Variants in RNF213 observed in about 807,000 individuals in gnomAD.
RNF213 encodes the protein E3 ubiquitin-protein ligase RNF213.
Under a neutral mutation model 514.4 loss-of-function variants are expected in RNF213, and 341 were observed. That is an observed-to-expected ratio of 0.66 (90% CI 0.61 to 0.73). The LOEUF is 0.73. Ranked by LOEUF, RNF213 falls within the 30% of genes least tolerant of loss-of-function variation. The pLI is 0.00. For synonymous variants in RNF213, 2,655 were observed against 2,658.2 expected (o/e 1.00, Z 0.04); for missense variants, 5,767 against 6,615.6 (o/e 0.87, Z 4.45).
intron 56 of RNF213, 63 bp from the exon 57 acceptor site, chr17:80,381,484 A>G (rs750099844): frequency 1.5e-5 from 24 of 1,565,358 alleles, no homozygotes; most frequent in Non-Finnish European, 2.0e-5. Context: ...GGCCTCTACC[A>G]GGCTCACCAT....
At chr17:80,365,521 A>G (rs921747341) in intron 42 of RNF213, among the ~76,000 whole-genome samples, 3 of 125,322 alleles carry the variant, frequency 2.4e-5, no homozygotes, top group African/African-American at 1.2e-4. Context: ...CAGGGGAGGT[A>G]GAGGACAGGC....
chr17:80,353,582 G>A lies in RNF213; in HGVS notation c.10494G>A (p.Glu3498=). The stretch of plus-strand genomic sequence containing the variant: ...AGACGGAGGCCAGCACATCAGGGGA[G>A]GTGGCAGAGGTGGCAGAGGAGGCCA... ...AMETEASTSG[E]VAEVAEEAME... The change falls in exon 34 of 68, where the codon GAG becomes GAA. Residue 3498 remains glutamate, a synonymous_variant. Transcript: ENST00000582970. This position sits in a 1 kb window ranked among gnomAD's most constrained non-coding sequence, Gnocchi z 5.0. 1.2e-6 allele frequency: 2 copies of A among 1,613,524 alleles called. No individual in the cohort carries two copies. The highest frequency in any genetic ancestry group is 1.7e-6 in the Non-Finnish European group (2 of 1,179,522).
At chr17:80,302,249 G>A (rs905474464) in intron 11 of RNF213, among the ~76,000 whole-genome samples, 85 of 152,256 alleles carry the variant, frequency 5.6e-4, no homozygotes, top group African/African-American at 2.0e-3. Flanking sequence ...AATTTATTAC[G>A]TTTTTCAAAT....
chr17:80,359,655 G>T (rs2078980906), intron 37 of RNF213, among the ~76,000 whole-genome samples: 1 of 151,768 alleles, frequency 6.6e-6, no homozygotes, highest in South Asian at 2.1e-4. Context: ...GAAAGAAATG[G>T]AATTTGAATT....
At chr17:80,360,237 G>A in intron 38 of RNF213, 31 bp downstream of exon 38, 3 of 1,600,814 alleles carry the variant, frequency 1.9e-6, no homozygotes, top group Non-Finnish European at 2.6e-6. Flanking sequence ...GTCAGATTCA[G>A]CACAGGTGAA....
At chr17:80,350,275 C>G (rs1325538201) in intron 30 of RNF213, 26 bp from the exon 31 acceptor site, 15 of 1,395,368 alleles carry the variant, frequency 1.1e-5, no homozygotes, top group Non-Finnish European at 1.5e-5. Context: ...AGAGAACTCA[C>G]TTGAATAACT....
At chr17:80,381,826 A>C (rs1361341176) in intron 57 of RNF213, 99 bp downstream of exon 57, 1 of 1,123,502 alleles carries the variant, frequency 8.9e-7, no homozygotes, top group African/African-American at 1.5e-5. Flanking sequence ...AGCCAGTCTG[A>C]GCTCTGTCTG....
chr17:80,334,340 C>G (rs2077922467), intron 22 of RNF213, 70 bp downstream of exon 22: 1 of 1,452,882 alleles, frequency 6.9e-7, no homozygotes, highest in East Asian at 2.5e-5. Context: ...TGTGGCGTTC[C>G]TAAACTCTTT....
chr17:80,343,274 T>G lies in RNF213; in HGVS notation c.6132T>G (p.Asp2044Glu). Residue 2044 changes from aspartate (D) to glutamate (E), a missense_variant, in exon 27 of 68, where the codon GAT (aspartate) becomes GAG (glutamate). Asp to Glu is a conservative substitution (Grantham distance 45). This residue lies in a region of RNF213 where 1,377 missense variants were observed against 1,635.2 expected (regional missense o/e 0.84). Coordinates refer to ENST00000582970, the MANE Select transcript of RNF213 (RefSeq NM_001256071.3). The surrounding 1 kb of genome is among the most constrained non-coding windows in gnomAD (Gnocchi z 4.3). ...TGGGCGCCCTGCTGCCCTTCCTGGA[T>G]GCGCAGTATCAGAAGGTCCCCGTGC... ...RVLGALLPFLDAQYQKVPVLF... is the reference protein window; with the variant it reads ...RVLGALLPFLEAQYQKVPVLF... The G allele has an allele frequency of 6.2e-7, 1 of 1,613,712 alleles. No homozygotes were observed. Among genetic ancestry groups the G allele is most frequent in the African/African-American group, 1.3e-5 (1 of 75,024 alleles).
At position 80,354,087 on chromosome 17, in the gene RNF213, C is replaced by T; in HGVS notation, c.10647C>T (p.Asp3549=). Residue 3549 remains aspartate (D), a synonymous_variant, in exon 35 of 68, where the codon GAC becomes GAT. Transcript: ENST00000582970. ...AGAGCGCCGTGGGCATGCTCAGAGA[C>T]CAGAACGAGAGCTGCACGCGCAATA... is the stretch of plus-strand genomic sequence containing the variant. The part of the protein sequence containing the change: ...CVQSAVGMLR[D]QNESCTRNMR... 4 of 1,614,062 alleles carry T rather than the reference C, an allele frequency of 2.5e-6. No individual in the cohort carries two copies. The highest frequency in any genetic ancestry group is 3.4e-6 in the Non-Finnish European group (4 of 1,180,028).
At chr17:80,357,989 CAT>C (rs533721185) in intron 36 of RNF213, among the ~76,000 whole-genome samples, 262 of 152,274 alleles carry the variant, frequency 1.7e-3, no homozygotes, top group Middle Eastern at 0.014. Flanking sequence ...CCCTCACATA[CAT>C]GTTTTAAAAA....
Position 80,346,127 on chromosome 17 carries a change from G to A in RNF213, c.7792G>A (p.Val2598Ile). The A allele has an allele frequency of 6.2e-7, 1 of 1,614,170 alleles. No individual in the cohort carries two copies. The highest frequency in any genetic ancestry group is 1.1e-5 in the South Asian group (1 of 91,084). ...VAEKLYIQQI[V>I]QRLVESISLD... ...TGAAAAGCTCTACATCCAGCAGATT[G>A]TCCAGAGACTGGTTGAGTCCATCAG... The change falls in exon 29 of 68, where the codon GTC becomes ATC. Residue 2598 changes from valine (V) to isoleucine (I), a missense_variant. Physicochemically the swap from Val to Ile is conservative, Grantham distance 29 (BLOSUM62 3). Coordinates refer to ENST00000582970, the MANE Select transcript of RNF213 (RefSeq NM_001256071.3). The surrounding 1 kb of genome is among the most constrained non-coding windows in gnomAD (Gnocchi z 8.1).
chr17:80,293,467 C>A (rs2044814641), intron 8 of RNF213, among the ~76,000 whole-genome samples: 1 of 151,972 alleles, frequency 6.6e-6, no homozygotes, highest in South Asian at 2.1e-4. Flanking sequence ...ATATGGAATT[C>A]TATATATATA....
intron 3 of RNF213, among the ~76,000 whole-genome samples, chr17:80,281,685 C>T (rs1020199112): frequency 2.1e-5 from 3 of 144,864 alleles, no homozygotes; most frequent in Non-Finnish European, 4.6e-5. Context: ...ACGCAAGTCC[C>T]ACTCACACCC....
chr17:80,263,599 G>C lies in RNF213; in HGVS notation c.-83G>C, dbSNP rs1290498541. 1 of 1,088,954 alleles carries C rather than the reference G, an allele frequency of 9.2e-7. No individual in the cohort carries two copies. The highest frequency in any genetic ancestry group is 1.7e-5 in the Admixed American group (1 of 59,122). The allele number at this position is 1,088,954 out of a possible 1,614,324, so 67.5% of individuals were successfully genotyped here. ...AAAATGAAACTGAAGCCGTGGTCAC[G>C]TGACAGGACATGTAGTATATAGCAG... On this transcript the variant is annotated 5_prime_UTR_variant, in exon 2 of 68. Transcript: ENST00000582970. The surrounding 1 kb of genome is among the most constrained non-coding windows in gnomAD (Gnocchi z 4.9).
chr17:80,379,535 A>G (rs559113329), intron 54 of RNF213, 85 bp from the exon 55 acceptor site: 3 of 1,234,160 alleles, frequency 2.4e-6, no homozygotes, highest in South Asian at 1.2e-5. Context: ...TGCCGGTGAT[A>G]AGGAGGTGTT....
chr17:80,347,859 A>G lies in RNF213; in HGVS notation c.9524A>G (p.Asp3175Gly), dbSNP rs375102492. ...LINRLEKHYL[D>G]INTVLEKWQK... ...AACCGGCTGGAGAAGCACTATCTGG[A>G]TATCAACACGGTGCTGGAGAAATGG... The change falls in exon 29 of 68, where the codon GAT becomes GGT. Residue 3175 changes from aspartate to glycine, a missense_variant. Physicochemically the swap from Asp to Gly is moderately conservative, Grantham distance 94. Transcript: ENST00000582970. The surrounding 1 kb of genome is among the most constrained non-coding windows in gnomAD (Gnocchi z 7.2). 5 of 1,614,154 alleles carry G rather than the reference A, an allele frequency of 3.1e-6. No homozygotes were observed. Among genetic ancestry groups the G allele is most frequent in the Non-Finnish European group, 3.4e-6 (4 of 1,180,060 alleles).
chr17:80,263,956 GT>G lies in RNF213; in HGVS notation c.97+182del, dbSNP rs2043517289. On this transcript the variant is annotated intron_variant, in intron 2 of 67. Transcript: ENST00000582970. This position sits in a 1 kb window ranked among gnomAD's most constrained non-coding sequence, Gnocchi z 4.9. ...CATCTCAAAAGTGACCACAGAGTCT[GT>G]TTTGGGGTGGCATAGATTAGTCTCC... Among the ~76,000 whole-genome samples, 1 of 152,176 alleles carries G rather than the reference GT, an allele frequency of 6.6e-6. No homozygotes were observed.
rs771702964 is a variant in RNF213 at position 80,353,658 on chromosome 17, G to A, written c.10570G>A (p.Gly3524Ser). Reference protein sequence around the residue: ...KVGKETSELGGSDVSILDTTR... With the variant: ...KVGKETSELGSSDVSILDTTR... ...GGGAAAGGAAACCTCTGAACTCGGAGGCAGTGATGTAAGTTCTGGTTCTTG... is the reference window on the plus strand; with the variant it reads ...GGGAAAGGAAACCTCTGAACTCGGAAGCAGTGATGTAAGTTCTGGTTCTTG... Residue 3524 changes from glycine to serine, a missense_variant, in exon 34 of 68, where the codon GGC (glycine) becomes AGC (serine). Coordinates refer to ENST00000582970, the MANE Select transcript of RNF213 (RefSeq NM_001256071.3). The surrounding 1 kb of genome is among the most constrained non-coding windows in gnomAD (Gnocchi z 5.0). 6.2e-7 allele frequency: 1 copy of A among 1,614,218 alleles called. No homozygotes were observed. The highest frequency in any genetic ancestry group is 8.5e-7 in the Non-Finnish European group (1 of 1,180,040).
Sources: allele counts gnomAD v4.1 joint callset (sites outside exome capture counted in the v4.1 genomes callset), GRCh38; gene constraint gnomAD v4.1.1; regional missense constraint gnomAD v4.1.1; non-coding constraint Gnocchi (gnomAD v3.1); transcripts MANE v1.5; gene names NCBI Gene and HGNC (gene_info 2026-07-23, HGNC 2026-07-21).